PDE11A: variants seen among roughly 807,000 people sequenced by gnomAD.
PDE11A encodes the protein dual 3',5'-cyclic-AMP and -GMP phosphodiesterase 11A.
In PDE11A, 100 loss-of-function variants were observed where a neutral mutation model predicts 100.5. That is an observed-to-expected ratio of 1.00 (90% confidence interval 0.85 to 1.18). PDE11A has a LOEUF of 1.18. Ranked by LOEUF, PDE11A falls within the 50% of genes most tolerant of loss-of-function variation. PDE11A has a pLI of 0.00. For synonymous variants in PDE11A, 381 were observed against 420.8 expected, an observed-to-expected ratio of 0.91 and a Z score of 1.16; for missense variants, 1,141 against 1,152.6, an observed-to-expected ratio of 0.99 and a Z score of 0.15.
chr2:177,681,195 A>C (rs1224447562), intron 15 of PDE11A, among the ~76,000 whole-genome samples: 3 of 152,210 alleles, frequency 2.0e-5, no homozygotes, highest in Non-Finnish European at 4.4e-5. Context: ...TGTGCTGTGA[A>C]GCCCTAGTGA....
At chr2:178,099,446 GAAAAAAAA>G (rs201692711) in intron 2 of PDE11A, among the ~76,000 whole-genome samples, 35 of 84,556 alleles carry the variant, frequency 4.1e-4, no homozygotes, top group Admixed American at 3.0e-3. Context: ...CATCTCAAGA[GAAAAAAAA>G]AAAAAAAAAA....
chr2:177,829,764 A>C (rs1385907986), intron 6 of PDE11A, among the ~76,000 whole-genome samples: 1 of 151,860 alleles, frequency 6.6e-6, no homozygotes, highest in African/African-American at 2.4e-5. Context: ...TAATAAGCAA[A>C]ATTCTAAGAT....
At chr2:177,990,691 T>C in intron 2 of PDE11A, among the ~76,000 whole-genome samples, 1 of 149,572 alleles carries the variant, frequency 6.7e-6, no homozygotes, top group Non-Finnish European at 1.5e-5. Flanking sequence ...TGAGCTGAGA[T>C]CGCACCATTG....
chr2:177,806,270 C>T (rs1051202415), intron 9 of PDE11A, among the ~76,000 whole-genome samples: 1 of 152,098 alleles, frequency 6.6e-6, no homozygotes, highest in African/African-American at 2.4e-5. Context: ...ACTCTAGCTG[C>T]AATTCAAACC....
chr2:177,686,796 G>A (rs2080958812), intron 15 of PDE11A: 1 of 138,186 alleles, frequency 7.2e-6, no homozygotes, highest in Admixed American at 8.7e-5. Context: ...TGCAACCTCT[G>A]CCTCCTGGGT....
chr2:178,088,722 G>T (rs955293827), intron 2 of PDE11A, among the ~76,000 whole-genome samples: 6 of 152,112 alleles, frequency 3.9e-5, no homozygotes, highest in African/African-American at 1.4e-4. Flanking sequence ...ATTTTTGTGG[G>T]TATGCTATCA....
intron 10 of PDE11A, among the ~76,000 whole-genome samples, chr2:177,732,530 C>A (rs2081707418): frequency 6.6e-6 from 1 of 152,152 alleles, no homozygotes; most frequent in Admixed American, 6.6e-5. Flanking sequence ...CAGCACTACT[C>A]CACTCCAGGT....
At chr2:177,879,259 A>G (rs747362613) in intron 4 of PDE11A, among the ~76,000 whole-genome samples, 6 of 152,216 alleles carry the variant, frequency 3.9e-5, no homozygotes, top group Non-Finnish European at 7.4e-5. Flanking sequence ...GGTAGTAACC[A>G]TTTTAAAAAG....
chr2:178,013,388 T>C (rs1255711628), intron 2 of PDE11A, among the ~76,000 whole-genome samples: 1 of 152,190 alleles, frequency 6.6e-6, no homozygotes, highest in Non-Finnish European at 1.5e-5. Context: ...AATTCCACTA[T>C]AAAAATGACC....
At chr2:177,725,222 C>T (rs992097915) in intron 12 of PDE11A, among the ~76,000 whole-genome samples, 1 of 152,036 alleles carries the variant, frequency 6.6e-6, no homozygotes, top group Non-Finnish European at 1.5e-5. Flanking sequence ...CTGATTGAGT[C>T]GTCTTTGTTA....
intron 2 of PDE11A, among the ~76,000 whole-genome samples, chr2:177,940,556 T>C (rs968891995): frequency 3.3e-5 from 5 of 152,202 alleles, no homozygotes; most frequent in African/African-American, 9.6e-5. Context: ...TATTTGTCCA[T>C]TGCACTCCTA....
chr2:178,105,808 C>A, intron 1 of PDE11A: 2 of 728,872 alleles, frequency 2.7e-6, no homozygotes, highest in Non-Finnish European at 1.9e-6. Flanking sequence ...CCTGCCCAGC[C>A]AACTGGGACC....
At chr2:178,093,979 C>T (rs1007649278) in intron 2 of PDE11A, among the ~76,000 whole-genome samples, 3 of 152,090 alleles carry the variant, frequency 2.0e-5, no homozygotes, top group African/African-American at 4.8e-5. Flanking sequence ...CCCATAAACG[C>T]TCAGGTATAT....
At chr2:177,863,219 A>G (rs2083972565) in intron 5 of PDE11A, among the ~76,000 whole-genome samples, 1 of 152,030 alleles carries the variant, frequency 6.6e-6, no homozygotes, top group African/African-American at 2.4e-5. Context: ...ACCAAAAACT[A>G]TAAAATTCCT....
intron 10 of PDE11A, among the ~76,000 whole-genome samples, chr2:177,744,758 G>A (rs1052036497): frequency 6.6e-5 from 10 of 152,210 alleles, no homozygotes; most frequent in Non-Finnish European, 1.3e-4. Flanking sequence ...AAGCTTGGCC[G>A]TGACTTGCTT....
At chr2:177,707,875 T>TCA (rs1190861108) in intron 13 of PDE11A, among the ~76,000 whole-genome samples, 3 of 152,172 alleles carry the variant, frequency 2.0e-5, no homozygotes, top group Non-Finnish European at 4.4e-5. Flanking sequence ...ATTGGGCACT[T>TCA]CACTCTTGAA....
intron 2 of PDE11A, among the ~76,000 whole-genome samples, chr2:178,084,142 A>G (rs1216682336): frequency 6.6e-6 from 1 of 152,246 alleles, no homozygotes; most frequent in Admixed American, 6.5e-5. Context: ...ATGTGAGAAT[A>G]AATAAAACCT....
chr2:177,790,577 G>T (rs1217735653), intron 9 of PDE11A, among the ~76,000 whole-genome samples: 1 of 152,158 alleles, frequency 6.6e-6, no homozygotes, highest in Non-Finnish European at 1.5e-5. Flanking sequence ...CACAGCAAAA[G>T]AAACTACTAT....
intron 2 of PDE11A, among the ~76,000 whole-genome samples, chr2:178,004,521 C>T (rs1426772008): frequency 2.0e-5 from 3 of 152,206 alleles, no homozygotes; most frequent in African/African-American, 4.8e-5. Context: ...AATAACAATT[C>T]ACCACATCCC....
Sources: allele counts gnomAD v4.1 joint callset (sites outside exome capture counted in the v4.1 genomes callset), GRCh38; gene constraint gnomAD v4.1.1; transcripts MANE v1.5; gene names NCBI Gene and HGNC (gene_info 2026-07-23, HGNC 2026-07-21).